Variants in PKD1L1 observed in about 807,000 individuals in gnomAD.
PKD1L1 encodes the protein polycystin-1-like protein 1.
Under a neutral mutation model 323.4 loss-of-function variants are expected in PKD1L1, and 236 were observed. The ratio of observed to expected loss-of-function variants is 0.73; its 90% confidence interval spans 0.66 to 0.81. The LOEUF (loss-of-function observed/expected upper bound fraction) is 0.81. PKD1L1 is among the 40% of genes least tolerant of loss of function. The pLI is 0.00. For synonymous variants in PKD1L1, 1,344 were observed against 1,335.0 expected (o/e 1.01, Z -0.15); for missense variants, 3,320 against 3,508.0 (o/e 0.95, Z 1.35).
At chr7:47,821,275 A>T (rs1450672764) in intron 45 of PKD1L1, 89 bp from the exon 46 acceptor site, 1 of 712,106 alleles carries the variant, frequency 1.4e-6, no homozygotes, top group Non-Finnish European at 2.3e-6. Context: ...TATTATTATT[A>T]TTATTATTTT....
At chr7:47,783,130 C>T (rs1446823241) in intron 56 of PKD1L1, among the ~76,000 whole-genome samples, 1 of 152,080 alleles carries the variant, frequency 6.6e-6, no homozygotes, top group East Asian at 1.9e-4. Flanking sequence ...ACATTGATAG[C>T]TATATGGTAT....
intron 7 of PKD1L1, among the ~76,000 whole-genome samples, chr7:47,928,790 AT>A (rs1253947024): frequency 1.3e-5 from 2 of 152,146 alleles, no homozygotes; most frequent in African/African-American, 4.8e-5. Flanking sequence ...GTGCAAAAGA[AT>A]TCATATAGAA....
At chr7:47,813,685 C>T (rs1784952804) in intron 48 of PKD1L1, 1 of 651,808 alleles carries the variant, frequency 1.5e-6, no homozygotes, top group Admixed American at 2.3e-5. Flanking sequence ...GTCTCTAAGG[C>T]CAAAGAGTGA....
the PKD1L1 span, chr7:47,956,961 A>T: frequency 6.5e-6 from 1 of 153,198 alleles, no homozygotes; most frequent in East Asian, 1.9e-4. Context: ...TTGTCCAGAT[A>T]CATATAAAGA....
chr7:47,839,393 T>C lies in PKD1L1; in HGVS notation c.5769+53A>G. 1 of 1,457,836 alleles carries C rather than the reference T, an allele frequency of 6.9e-7. No individual in the cohort carries two copies. Among genetic ancestry groups the C allele is most frequent in the Non-Finnish European group, 9.4e-7 (1 of 1,062,636 alleles). The allele number at this position is 1,457,836 out of a possible 1,614,324, so 90.3% of individuals were successfully genotyped here. A position where few individuals can be genotyped will look rare whatever the true frequency, so the allele number is the denominator to read the frequency against. On this transcript the variant is annotated intron_variant, in intron 36 of 56. Transcript: ENST00000289672. The surrounding 1 kb of genome is among the most constrained non-coding windows in gnomAD (Gnocchi z 4.3). ...GCAAGCGAAGCAGAGACAGGTGCCA[T>C]GCTCTGCCGGTCAGCCAGGTGCGCC... is the stretch of plus-strand genomic sequence containing the variant.
chr7:47,864,628 CTT>C (rs1343089792), intron 26 of PKD1L1, among the ~76,000 whole-genome samples: 1 of 139,282 alleles, frequency 7.2e-6, no homozygotes, highest in Non-Finnish European at 1.5e-5. Flanking sequence ...TTCTTTCTTT[CTT>C]TCTTTCCTTC....
Position 47,897,965 on chromosome 7 carries a change from G to C in PKD1L1, c.2271+23C>G, listed in dbSNP as rs187993680. On this transcript the variant is annotated intron_variant, in intron 14 of 56. Coordinates refer to ENST00000289672, the MANE Select transcript of PKD1L1 (RefSeq NM_138295.5). Reference sequence around the variant, plus strand: ...AAGCATGGGTTTCATTGGGCCAGTAGAGCAGTAAGTCAGCCAGCTGACCTT... The same window carrying C: ...AAGCATGGGTTTCATTGGGCCAGTACAGCAGTAAGTCAGCCAGCTGACCTT... 1,418 of 1,573,880 alleles carry C rather than the reference G, an allele frequency of 9.0e-4. 8 individuals carry two copies. Among genetic ancestry groups the C allele is most frequent in the Non-Finnish European group, 3.1e-4 (354 of 1,156,190 alleles).
intron 23 of PKD1L1, among the ~76,000 whole-genome samples, chr7:47,875,822 ATATT>A (rs1786391849): frequency 6.6e-6 from 1 of 152,194 alleles, no homozygotes; most frequent in African/African-American, 2.4e-5. Context: ...CTGATTTTAA[ATATT>A]TAATTTATAT....
the PKD1L1 span, among the ~76,000 whole-genome samples, chr7:47,953,873 T>C: frequency 0.12 from 18,443 of 152,224 alleles, 1,241 homozygotes; most frequent in East Asian, 0.21. Flanking sequence ...ACAAGGTAGA[T>C]GCCCTCCACT....
Position 47,946,466 on chromosome 7 carries a change from C to A in PKD1L1, c.44+1931G>T, listed in dbSNP as rs968942578. On this transcript the variant is annotated intron_variant, in intron 1 of 56. Transcript: ENST00000289672. The surrounding 1 kb of genome is among the most constrained non-coding windows in gnomAD (Gnocchi z 4.1). ...ACAGCACATACCCACCCACCACACA[C>A]ACATCGCACACACCACACACCACGC... 6.7e-6 allele frequency among the ~76,000 whole-genome samples: 1 copy of A among 149,144 alleles called. No homozygotes were observed. Among genetic ancestry groups the A allele is most frequent in the African/African-American group, 2.5e-5 (1 of 40,494 alleles).
chr7:47,809,296 C>T, intron 51 of PKD1L1, 177 bp downstream of exon 51: 1 of 557,030 alleles, frequency 1.8e-6, no homozygotes, highest in South Asian at 2.3e-5. Flanking sequence ...GTAACTGTAA[C>T]AACACTAAAT....
At chr7:47,890,898 C>T (rs1786801872) in intron 15 of PKD1L1, 135 bp from the exon 16 acceptor site, 5 of 762,632 alleles carry the variant, frequency 6.6e-6, no homozygotes, top group East Asian at 5.4e-5. Context: ...TTGCTTCCCA[C>T]ATTTTCTCCT....
chr7:47,817,793 C>T (rs1785051932), intron 46 of PKD1L1, among the ~76,000 whole-genome samples: 1 of 152,066 alleles, frequency 6.6e-6, no homozygotes, highest in African/African-American at 2.4e-5. Flanking sequence ...TTCCTTGAAC[C>T]CGGGAGGCAG....
chr7:47,776,775 G>C (rs571482187), intron 56 of PKD1L1, among the ~76,000 whole-genome samples: 44 of 152,356 alleles, frequency 2.9e-4, no homozygotes, highest in African/African-American at 1.0e-3. Flanking sequence ...CCATTATGGA[G>C]AGAAAGGTAC....
intron 28 of PKD1L1, among the ~76,000 whole-genome samples, chr7:47,856,597 G>A (rs1260402364): frequency 6.6e-6 from 1 of 152,166 alleles, no homozygotes; most frequent in Non-Finnish European, 1.5e-5. Flanking sequence ...AGTTGACAAA[G>A]TGCTTTCCAA....
At chr7:47,830,615 C>A (rs1332186030) in intron 42 of PKD1L1, among the ~76,000 whole-genome samples, 1 of 152,160 alleles carries the variant, frequency 6.6e-6, no homozygotes, top group South Asian at 2.1e-4. Flanking sequence ...TAAGTACCTG[C>A]CCATCCTCAC....
rs1419946610 is a variant in PKD1L1 at position 47,835,026 on chromosome 7, G to C, written c.6068C>G (p.Ser2023Cys). ...TGGGCTGTGTGGCTCCACTCGGGCA[G>C]ACCCCGGGGCTTCCTGCAGAAGGAA... Reference protein sequence around the residue: ...LFRLSKEAPGSARVEPHSPLR... With the variant: ...LFRLSKEAPGCARVEPHSPLR... The change falls in exon 39 of 57, where the codon TCT becomes TGT. Residue 2023 changes from serine (S) to cysteine (C), a missense_variant. Ser to Cys is a moderately radical substitution (Grantham distance 112, BLOSUM62 -1). Coordinates refer to ENST00000289672, the MANE Select transcript of PKD1L1 (RefSeq NM_138295.5). The C allele has an allele frequency of 1.9e-6, 3 of 1,613,934 alleles. No homozygotes were observed. The highest frequency in any genetic ancestry group is 1.1e-5 in the South Asian group (1 of 91,028).
chr7:47,941,528 C>T (rs911276746), intron 2 of PKD1L1, among the ~76,000 whole-genome samples: 1 of 152,164 alleles, frequency 6.6e-6, no homozygotes, highest in African/African-American at 2.4e-5. Flanking sequence ...TGTCAAGAGT[C>T]CAGTGTATTA....
At chr7:47,942,899 C>T (rs1228245102) in intron 2 of PKD1L1, among the ~76,000 whole-genome samples, 1 of 152,072 alleles carries the variant, frequency 6.6e-6, no homozygotes, top group East Asian at 1.9e-4. Flanking sequence ...GTAATCCCAG[C>T]ACTTTGGAAG....
Sources: allele counts gnomAD v4.1 joint callset (sites outside exome capture counted in the v4.1 genomes callset), GRCh38; gene constraint gnomAD v4.1.1; non-coding constraint Gnocchi (gnomAD v3.1); transcripts MANE v1.5; gene names NCBI Gene and HGNC (gene_info 2026-07-23, HGNC 2026-07-21).